CFAP54: variants seen among roughly 807,000 people sequenced by gnomAD.
CFAP54 encodes the protein cilia- and flagella-associated protein 54.
CFAP54 carries 290 observed loss-of-function variants against 370.4 expected under a neutral mutation model. The ratio of observed to expected loss-of-function variants is 0.78; its 90% confidence interval spans 0.71 to 0.86. CFAP54 has a LOEUF of 0.86. Among genes scored for constraint, CFAP54 ranks in the 40% least tolerant of loss-of-function variants. The pLI is 0.00. For missense variants in CFAP54, 3,399 were observed against 3,528.7 expected (o/e 0.96, Z 0.93); for synonymous variants, 1,206 against 1,236.5 (o/e 0.98, Z 0.52).
chr12:96,655,884 T>A (rs1021179261), intron 36 of CFAP54, among the ~76,000 whole-genome samples: 4 of 152,112 alleles, frequency 2.6e-5, no homozygotes, highest in Non-Finnish European at 4.4e-5. Context: ...TTTTTTTAGG[T>A]AGGATTATAG....
chr12:96,787,239 A>G (rs566181153), intron 62 of CFAP54, among the ~76,000 whole-genome samples: 1 of 152,362 alleles, frequency 6.6e-6, no homozygotes, highest in East Asian at 1.9e-4. Context: ...CTAGACTGAT[A>G]GTGTCTAAAT....
At chr12:96,546,311 C>T (rs1955639484) in intron 14 of CFAP54, among the ~76,000 whole-genome samples, 1 of 152,198 alleles carries the variant, frequency 6.6e-6, no homozygotes, top group Non-Finnish European at 1.5e-5. Context: ...CACTTAGTCA[C>T]AGAAATCTGT....
At chr12:96,522,684 C>A (rs797002379) in intron 8 of CFAP54, among the ~76,000 whole-genome samples, 48 of 152,328 alleles carry the variant, frequency 3.2e-4, no homozygotes, top group African/African-American at 1.1e-3. Flanking sequence ...CAATTTATTG[C>A]CTACTGGAGT....
chr12:96,553,075 C>G (rs1955713066), intron 15 of CFAP54, among the ~76,000 whole-genome samples: 2 of 152,164 alleles, frequency 1.3e-5, no homozygotes, highest in African/African-American at 4.8e-5. Flanking sequence ...TCTGAGCAAA[C>G]TCTTGAGAAT....
chr12:96,554,701 C>A lies in CFAP54; in HGVS notation c.2309C>A (p.Thr770Asn). The A allele has an allele frequency of 6.5e-7, 1 of 1,534,158 alleles. No homozygotes were observed. The highest frequency in any genetic ancestry group is 8.7e-7 in the Non-Finnish European group (1 of 1,145,692). ...AKRTHHIDGDTYKPLASNSFM... is the reference protein window; with the variant it reads ...AKRTHHIDGDNYKPLASNSFM... ...CGTACCCACCATATAGATGGAGATA[C>A]TTACAAACCACTTGCCTCAAATAGT... The change falls in exon 17 of 68, where the codon ACT becomes AAT. Residue 770 changes from threonine to asparagine, a missense_variant. By Grantham distance (65) the Thr-to-Asn change is moderately conservative (BLOSUM62 0). Around this residue, in one of 3 missense-constraint regions of CFAP54, gnomAD observed 2,796 missense variants for 2,869.7 expected, o/e 0.97. Coordinates refer to ENST00000524981, the MANE Select transcript of CFAP54 (RefSeq NM_001306084.2).
intron 5 of CFAP54, among the ~76,000 whole-genome samples, chr12:96,516,995 T>C (rs1955243472): frequency 6.6e-6 from 1 of 151,110 alleles, no homozygotes; most frequent in Admixed American, 6.6e-5. Flanking sequence ...CATTTGACTT[T>C]TTAAAGTTTT....
At chr12:96,527,775 C>T (rs572863536) in intron 9 of CFAP54, among the ~76,000 whole-genome samples, 1 of 152,132 alleles carries the variant, frequency 6.6e-6, no homozygotes, top group African/African-American at 2.4e-5. Context: ...CACCGTGTTT[C>T]CCAGTCTGGT....
At chr12:96,828,217 C>T (rs562122415) in intron 65 of CFAP54, among the ~76,000 whole-genome samples, 1 of 150,864 alleles carries the variant, frequency 6.6e-6, no homozygotes, top group South Asian at 2.1e-4. Flanking sequence ...AAACTACTTA[C>T]AGTAACTCAA....
At chr12:96,584,863 TC>T (rs1334868168) in intron 22 of CFAP54, among the ~76,000 whole-genome samples, 1 of 152,158 alleles carries the variant, frequency 6.6e-6, no homozygotes, top group East Asian at 1.9e-4. Flanking sequence ...ACATTAGCTT[TC>T]ATTACTTCTC....
intron 66 of CFAP54, among the ~76,000 whole-genome samples, chr12:96,853,648 G>A (rs76835030): frequency 0.011 from 1,713 of 152,212 alleles, 81 homozygotes; most frequent in East Asian, 0.11. Context: ...ACTAAAGTTT[G>A]AAGCATCTGA....
chr12:96,709,394 G>A (rs1363950434), intron 48 of CFAP54, among the ~76,000 whole-genome samples: 3 of 152,174 alleles, frequency 2.0e-5, no homozygotes, highest in Admixed American at 6.5e-5. Context: ...ATGGGCCACA[G>A]GGAAATTTTC....
At chr12:96,610,996 C>T (rs1337574674) in intron 26 of CFAP54, among the ~76,000 whole-genome samples, 1 of 152,202 alleles carries the variant, frequency 6.6e-6, no homozygotes, top group African/African-American at 2.4e-5. Context: ...GCAGAAACCT[C>T]TGCAGACTTA....
intron 50 of CFAP54, among the ~76,000 whole-genome samples, chr12:96,732,096 A>G (rs1315150167): frequency 6.7e-6 from 1 of 148,368 alleles, no homozygotes; most frequent in East Asian, 2.1e-4. Flanking sequence ...TCTGTTAAGT[A>G]GGGGTGTGTG....
At chr12:96,805,731 A>C (rs1323431520) in intron 63 of CFAP54, among the ~76,000 whole-genome samples, 1 of 152,158 alleles carries the variant, frequency 6.6e-6, no homozygotes, top group Non-Finnish European at 1.5e-5. Context: ...CAGCAGTTCT[A>C]CAACTGGGTG....
intron 1 of CFAP54, among the ~76,000 whole-genome samples, chr12:96,493,430 A>G (rs1445449141): frequency 1.3e-5 from 2 of 152,230 alleles, no homozygotes; most frequent in Admixed American, 1.3e-4. Flanking sequence ...AACCAGACAA[A>G]AGTCTCTGCC....
chr12:96,786,531 C>A, intron 61 of CFAP54, 144 bp from the exon 62 acceptor site: 1 of 635,338 alleles, frequency 1.6e-6, no homozygotes, highest in African/African-American at 1.8e-5. Flanking sequence ...AGTGTATAAG[C>A]TCTAAAAACA....
intron 39 of CFAP54, among the ~76,000 whole-genome samples, chr12:96,670,083 C>G (rs555415424): frequency 5.9e-5 from 9 of 152,284 alleles, no homozygotes; most frequent in African/African-American, 1.7e-4. Flanking sequence ...GGTGGAATCT[C>G]CAGCTTGGTG....
intron 15 of CFAP54, among the ~76,000 whole-genome samples, chr12:96,550,327 A>G (rs1243154642): frequency 6.6e-6 from 1 of 152,212 alleles, no homozygotes; most frequent in Non-Finnish European, 1.5e-5. Context: ...CTGTAATCCC[A>G]GCACTTTGGA....
At chr12:96,579,663 T>TAACC (rs906321314) in intron 20 of CFAP54, among the ~76,000 whole-genome samples, 1 of 152,144 alleles carries the variant, frequency 6.6e-6, no homozygotes. Context: ...ATGACCCCTA[T>TAACC]AACCCTCAGC....
Sources: allele counts gnomAD v4.1 joint callset (sites outside exome capture counted in the v4.1 genomes callset), GRCh38; gene constraint gnomAD v4.1.1; regional missense constraint gnomAD v4.1.1; transcripts MANE v1.5; gene names NCBI Gene and HGNC (gene_info 2026-07-23, HGNC 2026-07-21).